The following BCO1 variants were observed in gnomAD, a reference collection of about 807,000 sequenced individuals.
BCO1 encodes the protein beta-carotene oxygenase 1, also known as beta,beta-carotene 15,15'-dioxygenase.
Under a neutral mutation model 56.3 loss-of-function variants are expected in BCO1, and 54 were observed. The ratio of observed to expected loss-of-function variants is 0.96; its 90% CI spans 0.77 to 1.20. The LOEUF is 1.20. Ranked by LOEUF, BCO1 falls within the 50% of genes most tolerant of loss-of-function variation. BCO1 has a pLI of 0.00. For missense variants in BCO1, 801 were observed against 690.9 expected (o/e 1.16, Z -1.79); for synonymous variants, 318 against 266.1 (o/e 1.20, Z -1.90).
intron 9 of BCO1, among the ~76,000 whole-genome samples, 159 bp downstream of exon 9, chr16:81,285,793 G>T (rs913496474): frequency 6.6e-6 from 1 of 152,196 alleles, no homozygotes; most frequent in Non-Finnish European, 1.5e-5. Context: ...AGCTGGGAGA[G>T]GGAGTGGTAC....
chr16:81,249,613 C>A (rs1030540019), intron 2 of BCO1, among the ~76,000 whole-genome samples: 8 of 151,988 alleles, frequency 5.3e-5, no homozygotes, highest in African/African-American at 1.9e-4. Flanking sequence ...GTTGGCCAGG[C>A]CGGTCTCGAA....
At chr16:81,248,564 C>G (rs1004083341) in intron 2 of BCO1, among the ~76,000 whole-genome samples, 1 of 152,060 alleles carries the variant, frequency 6.6e-6, no homozygotes, top group Non-Finnish European at 1.5e-5. Flanking sequence ...GTCTGCAATA[C>G]CTTGCAGATT....
At chr16:81,245,719 TCTCA>T in intron 2 of BCO1, 116 bp downstream of exon 2, 1 of 1,362,852 alleles carries the variant, frequency 7.3e-7, no homozygotes, top group Non-Finnish European at 1.0e-6. Context: ...CTAAATCGGG[TCTCA>T]CTGAACTGAA....
At position 81,259,697 on chromosome 16, in the gene BCO1, A is replaced by C; in HGVS notation, c.215A>C (p.Lys72Thr). 2 of 1,614,202 alleles carry C rather than the reference A, an allele frequency of 1.2e-6. No homozygotes were observed. Among genetic ancestry groups the C allele is most frequent in the Non-Finnish European group, 1.7e-6 (2 of 1,180,032 alleles). Residue 72 changes from lysine to threonine, a missense_variant, in exon 3 of 11, where the codon AAA becomes ACA. By Grantham distance (78) the Lys-to-Thr change is moderately conservative. Transcript: ENST00000258168. ...IRDGEVYYRS[K>T]YLRSDTYNTN... ...GCAGGTGAAGTCTATTACAGGAGCA[A>C]ATACCTGAGAAGCGATACCTACAAC...
intron 1 of BCO1, among the ~76,000 whole-genome samples, chr16:81,240,694 C>A (rs1363828790): frequency 1.3e-5 from 2 of 151,772 alleles, no homozygotes; most frequent in East Asian, 1.9e-4. Flanking sequence ...AAGAGTGAGA[C>A]CCTGTCTCAA....
Position 81,238,793 on chromosome 16 carries a change from G to C in BCO1, c.-116G>C. On this transcript the variant is annotated 5_prime_UTR_variant, in exon 1 of 11. Transcript: ENST00000258168. ...GCATCAGGAGAGACAGAGATGTGAA[G>C]GAGGGAAGGAGCAGGAGAGCAGGAA... 1.1e-6 allele frequency: 1 copy of C among 893,490 alleles called. No homozygotes were observed. Among genetic ancestry groups the C allele is most frequent in the Non-Finnish European group, 1.9e-6 (1 of 533,026 alleles). The allele number at this position is 893,490 out of a possible 1,614,324, so 55.3% of individuals were successfully genotyped here.
intron 2 of BCO1, among the ~76,000 whole-genome samples, chr16:81,257,008 C>T (rs949390710): frequency 6.6e-6 from 1 of 152,224 alleles, no homozygotes; most frequent in Admixed American, 6.5e-5. Flanking sequence ...CAGCCGAACT[C>T]AACGCCTGCA....
intron 3 of BCO1, 89 bp from the exon 4 acceptor site, chr16:81,262,047 A>T: frequency 6.7e-7 from 1 of 1,494,616 alleles, no homozygotes; most frequent in Non-Finnish European, 9.2e-7. Flanking sequence ...AGCATTTTTA[A>T]GTGGTAGGAA....
intron 1 of BCO1, among the ~76,000 whole-genome samples, chr16:81,243,425 C>G (rs376145704): frequency 5.3e-5 from 8 of 151,864 alleles, no homozygotes; most frequent in Non-Finnish European, 1.2e-4. Flanking sequence ...TCCAGTCTTA[C>G]TAAACAGCTT....
rs368459445 is a variant in BCO1 at position 81,273,576 on chromosome 16, T to C, written c.1101+3160T>C. 7.9e-4 allele frequency among the ~76,000 whole-genome samples: 121 copies of C among 152,214 alleles called. 2 individuals carry two copies. The highest frequency in any genetic ancestry group is 7.5e-3 in the South Asian group (36 of 4,824). ...CCAGCATTTTCCCACCCATGGCCAT[T>C]TGTGTGTCTCTGCCATGGTTTTTGT... On this transcript the variant is annotated intron_variant, in intron 7 of 10. Coordinates refer to ENST00000258168, the MANE Select transcript of BCO1 (RefSeq NM_017429.3).
intron 6 of BCO1, among the ~76,000 whole-genome samples, 170 bp from the exon 7 acceptor site, chr16:81,269,989 T>C (rs530334032): frequency 6.6e-6 from 1 of 152,306 alleles, no homozygotes; most frequent in South Asian, 2.1e-4. Context: ...AGCTCTCATT[T>C]TGGGGGGCAC....
intron 2 of BCO1, among the ~76,000 whole-genome samples, chr16:81,250,753 G>C (rs932629711): frequency 6.6e-6 from 1 of 151,900 alleles, no homozygotes; most frequent in African/African-American, 2.4e-5. Flanking sequence ...GCTAATTTTT[G>C]TATTTTTAGT....
intron 5 of BCO1, among the ~76,000 whole-genome samples, chr16:81,265,469 A>G (rs112946715): frequency 0.031 from 4,197 of 134,378 alleles, 202 homozygotes; most frequent in African/African-American, 0.11. Context: ...TCCACCATCT[A>G]TCTACCCACC....
chr16:81,281,255 G>A (rs1036042687), intron 8 of BCO1, among the ~76,000 whole-genome samples: 1 of 152,138 alleles, frequency 6.6e-6, no homozygotes, highest in Non-Finnish European at 1.5e-5. Context: ...AGACCAGCCT[G>A]AGCAACATGG....
chr16:81,253,350 T>TG (rs1905928732), intron 2 of BCO1, among the ~76,000 whole-genome samples: 1 of 152,170 alleles, frequency 6.6e-6, no homozygotes, highest in Non-Finnish European at 1.5e-5. Context: ...GCCTCAAATG[T>TG]CACGTGACTC....
At position 81,270,155 on chromosome 16, in the gene BCO1, T is replaced by G. The variant is rs748530184; in HGVS notation, c.844-4T>G. 5.0e-6 allele frequency: 8 copies of G among 1,613,998 alleles called. No homozygotes were observed. The African/African-American group carries it at 1.1e-4, about 22-fold the overall frequency. On this transcript the variant is annotated splice_region_variant and splice_polypyrimidine_tract_variant and intron_variant, in intron 6 of 10. Coordinates refer to ENST00000258168, the MANE Select transcript of BCO1 (RefSeq NM_017429.3). ...CTGAGCCCTTGATATGTGTCCTTTT[T>G]CAGACTTATATCCACATCATCGACC...
Position 81,238,958 on chromosome 16 carries a change from G to A in BCO1, c.50G>A (p.Arg17Lys). 1 of 1,613,902 alleles carries A rather than the reference G, an allele frequency of 6.2e-7. No individual in the cohort carries two copies. Among genetic ancestry groups the A allele is most frequent in the South Asian group, 1.1e-5 (1 of 91,066 alleles). The change falls in exon 1 of 11, where the codon AGG (arginine) becomes AAG (lysine). Residue 17 changes from arginine to lysine, a missense_variant. Physicochemically the swap from Arg to Lys is conservative, Grantham distance 26. Coordinates refer to ENST00000258168, the MANE Select transcript of BCO1 (RefSeq NM_017429.3). ...RNRKEQLEPV[R>K]AKVTGKIPAW... Reference sequence around the variant, plus strand: ...AGGAAAGAACAGCTGGAGCCTGTGAGGGCCAAAGTGACAGGTGAGCATTCT... The same window carrying A: ...AGGAAAGAACAGCTGGAGCCTGTGAAGGCCAAAGTGACAGGTGAGCATTCT...
chr16:81,254,295 ATTTTTTTTTT>A (rs57961725), intron 2 of BCO1, among the ~76,000 whole-genome samples: 75 of 78,286 alleles, frequency 9.6e-4, no homozygotes, highest in Non-Finnish European at 1.1e-3. Context: ...CGCCCGGCTA[ATTTTTTTTTT>A]TTTTTTTTTT....
At chr16:81,264,933 C>T in intron 5 of BCO1, 146 bp downstream of exon 5, 1 of 879,172 alleles carries the variant, frequency 1.1e-6, no homozygotes, top group East Asian at 2.6e-5. Context: ...CAGTACTTTC[C>T]TTTAGAAGAG....
Sources: gnomAD v4.1 joint callset for allele counts (sites outside exome capture counted in the v4.1 genomes callset) on GRCh38, gnomAD v4.1.1 for gene constraint, MANE v1.5 for transcripts, NCBI Gene and HGNC (gene_info 2026-07-23, HGNC 2026-07-21) for gene names.